SUPT3H: variants seen among roughly 807,000 people sequenced by gnomAD.
SUPT3H encodes the protein transcription initiation protein SPT3 homolog.
In SUPT3H, 44 loss-of-function variants were observed where a neutral mutation model predicts 44.3. The observed-to-expected ratio is 0.99, with a 90% CI of 0.78 to 1.28. The LOEUF (loss-of-function observed/expected upper bound fraction) is 1.28, where lower values mean the gene tolerates loss of function less well. Among genes scored for constraint, SUPT3H ranks in the 50% most tolerant of loss-of-function variants. The pLI, the probability that SUPT3H is intolerant of heterozygous loss-of-function variation, is 0.00. For missense variants in SUPT3H, 380 were observed against 387.1 expected, an observed-to-expected ratio of 0.98 and a Z score of 0.15; for synonymous variants, 124 against 125.6, an observed-to-expected ratio of 0.99 and a Z score of 0.09.
chr6:45,338,070 A>T (rs1474535824), intron 2 of SUPT3H, among the ~76,000 whole-genome samples: 1 of 152,008 alleles, frequency 6.6e-6, no homozygotes, highest in Non-Finnish European at 1.5e-5. Context: ...AATAAACTTA[A>T]GTTGTACTCT....
chr6:45,085,200 C>T (rs548121665), intron 3 of SUPT3H, among the ~76,000 whole-genome samples: 1 of 152,084 alleles, frequency 6.6e-6, no homozygotes, highest in African/African-American at 2.4e-5. Flanking sequence ...GCACTAAGTG[C>T]CAGGGGAAAA....
intron 2 of SUPT3H, among the ~76,000 whole-genome samples, chr6:45,355,806 C>A (rs949808445): frequency 6.6e-6 from 1 of 152,026 alleles, no homozygotes; most frequent in Non-Finnish European, 1.5e-5. Context: ...GGGTTGTATT[C>A]CAAGTCTGAA....
At chr6:45,282,288 C>T (rs1247292019) in intron 2 of SUPT3H, among the ~76,000 whole-genome samples, 1 of 151,846 alleles carries the variant, frequency 6.6e-6, no homozygotes, top group Non-Finnish European at 1.5e-5. Flanking sequence ...TCAAACTAAT[C>T]CGAGCTAAAG....
intron 2 of SUPT3H, among the ~76,000 whole-genome samples, chr6:45,137,250 A>T (rs1166783181): frequency 6.6e-6 from 1 of 152,124 alleles, no homozygotes; most frequent in Non-Finnish European, 1.5e-5. Context: ...TGTAAGAAAT[A>T]CTAAGACAAG....
At chr6:45,231,922 C>T (rs1030982043) in intron 2 of SUPT3H, among the ~76,000 whole-genome samples, 4 of 152,052 alleles carry the variant, frequency 2.6e-5, no homozygotes, top group Non-Finnish European at 5.9e-5. Flanking sequence ...TTCATCAGTT[C>T]CAGAATTGCT....
intron 2 of SUPT3H, among the ~76,000 whole-genome samples, chr6:45,173,560 AC>A (rs1358067277): frequency 1.3e-5 from 2 of 152,188 alleles, no homozygotes; most frequent in Non-Finnish European, 2.9e-5. Context: ...AAAGCCAACC[AC>A]TTTTCATTAA....
intron 6 of SUPT3H, among the ~76,000 whole-genome samples, chr6:44,979,565 A>G (rs1280259413): frequency 2.6e-5 from 4 of 152,128 alleles, no homozygotes; most frequent in Non-Finnish European, 5.9e-5. Context: ...TCAATGTTCT[A>G]TGTAAAAGGT....
chr6:45,241,802 C>A (rs1352480037), intron 2 of SUPT3H, among the ~76,000 whole-genome samples: 2 of 151,906 alleles, frequency 1.3e-5, no homozygotes, highest in Admixed American at 1.3e-4. Flanking sequence ...AGAAAGGTAA[C>A]TAGAATAAAA....
intron 3 of SUPT3H, among the ~76,000 whole-genome samples, chr6:45,066,214 T>G (rs1031916775): frequency 1.3e-5 from 2 of 151,730 alleles, no homozygotes; most frequent in African/African-American, 4.8e-5. Context: ...AAAAACCACA[T>G]GATTATCTCA....
At chr6:44,816,702 C>T (rs773824044) in intron 11 of SUPT3H, among the ~76,000 whole-genome samples, 1 of 152,134 alleles carries the variant, frequency 6.6e-6, no homozygotes, top group Non-Finnish European at 1.5e-5. Flanking sequence ...AACTCCAGAT[C>T]AATACTTTTC....
intron 2 of SUPT3H, among the ~76,000 whole-genome samples, chr6:45,106,248 A>G (rs1799259158): frequency 6.6e-6 from 1 of 152,106 alleles, no homozygotes; most frequent in South Asian, 2.1e-4. Context: ...CCTGCATAAC[A>G]TGGTGAAACT....
At chr6:45,323,331 T>TAA (rs1309221438) in intron 2 of SUPT3H, among the ~76,000 whole-genome samples, 103 of 152,272 alleles carry the variant, frequency 6.8e-4, no homozygotes, top group African/African-American at 2.5e-3. Context: ...CACAGTGGAT[T>TAA]AAGATTTATA....
chr6:45,220,913 C>T (rs941109913), intron 2 of SUPT3H, among the ~76,000 whole-genome samples: 82 of 152,184 alleles, frequency 5.4e-4, no homozygotes, highest in Admixed American at 4.4e-3. Context: ...ACTATAAAGA[C>T]ACATGCACAC....
chr6:45,022,888 A>G (rs9381359), intron 3 of SUPT3H, among the ~76,000 whole-genome samples: 51,564 of 151,814 alleles, frequency 0.34, 9,773 homozygotes, highest in East Asian at 0.56. Context: ...GAGGAGTTTC[A>G]CATCTCAGGA....
intron 10 of SUPT3H, among the ~76,000 whole-genome samples, chr6:44,850,304 T>TC (rs1025179757): frequency 1.3e-5 from 2 of 152,150 alleles, no homozygotes; most frequent in Non-Finnish European, 2.9e-5. Flanking sequence ...CCCCTCCACT[T>TC]CCCCCTAACC....
At chr6:45,096,870 C>T (rs909628804) in intron 3 of SUPT3H, among the ~76,000 whole-genome samples, 6 of 151,902 alleles carry the variant, frequency 3.9e-5, no homozygotes, top group African/African-American at 1.5e-4. Flanking sequence ...TCACCTACTT[C>T]GAGGTGCTAT....
intron 2 of SUPT3H, among the ~76,000 whole-genome samples, chr6:45,223,267 C>T (rs943177142): frequency 1.3e-5 from 2 of 152,022 alleles, no homozygotes; most frequent in Admixed American, 1.3e-4. Context: ...TAATAGTGTA[C>T]TATAATTTTA....
chr6:44,870,802 G>C (rs565040162), intron 10 of SUPT3H, among the ~76,000 whole-genome samples: 3 of 150,974 alleles, frequency 2.0e-5, no homozygotes, highest in Non-Finnish European at 3.0e-5. Context: ...CACCCTGCGC[G>C]AGCTGAAGCA....
At chr6:45,307,515 A>T (rs1286193674) in intron 2 of SUPT3H, among the ~76,000 whole-genome samples, 1 of 152,232 alleles carries the variant, frequency 6.6e-6, no homozygotes, top group Non-Finnish European at 1.5e-5. Context: ...CAGGGTCTGG[A>T]GTGGAGCTCC....
Sources: allele counts gnomAD v4.1 joint callset (sites outside exome capture counted in the v4.1 genomes callset), GRCh38; gene constraint gnomAD v4.1.1; transcripts MANE v1.5; gene names NCBI Gene and HGNC (gene_info 2026-07-23, HGNC 2026-07-21).